The following TOPAZ1 variants were observed in gnomAD, a reference collection of about 807,000 sequenced individuals.
TOPAZ1 encodes the protein testis and ovary specific TOPAZ 1.
TOPAZ1 carries 66 observed loss-of-function variants against 172.2 expected under a neutral mutation model. The ratio of observed to expected loss-of-function variants is 0.38; its 90% CI spans 0.31 to 0.47. TOPAZ1 has a LOEUF of 0.47. TOPAZ1 is among the 20% of genes least tolerant of loss of function. TOPAZ1 has a pLI of 0.99. For synonymous variants in TOPAZ1, 681 were observed against 683.9 expected, an observed-to-expected ratio of 1.00 and a Z score of 0.07; for missense variants, 1,822 against 1,972.4, an observed-to-expected ratio of 0.92 and a Z score of 1.44.
intron 16 of TOPAZ1, among the ~76,000 whole-genome samples, chr3:44,316,745 G>T (rs1400798419): frequency 3.9e-5 from 6 of 151,948 alleles, no homozygotes; most frequent in Admixed American, 3.9e-4. Context: ...TTCATTTGTT[G>T]TTAGTTTTAA....
chr3:44,313,321 G>T (rs1700415218), intron 16 of TOPAZ1, among the ~76,000 whole-genome samples: 1 of 151,958 alleles, frequency 6.6e-6, no homozygotes, highest in Non-Finnish European at 1.5e-5. Flanking sequence ...TTATTAGAAA[G>T]CTCCCCCGGG....
In TOPAZ1 at chr3:44,245,251, A is replaced by C; in HGVS notation, c.2745A>C (p.Lys915Asn). 1 of 1,540,062 alleles carries C rather than the reference A, an allele frequency of 6.5e-7. No homozygotes were observed. The highest frequency in any genetic ancestry group is 8.7e-7 in the Non-Finnish European group (1 of 1,143,314). Residue 915 changes from lysine to asparagine, a missense_variant, in exon 2 of 20, where the codon AAA (lysine) becomes AAC (asparagine). Lys to Asn is a moderately conservative substitution (Grantham distance 94). Around this residue, in one of 2 missense-constraint regions of TOPAZ1, gnomAD observed 1,489 missense variants for 1,490.8 expected, o/e 1.00. Coordinates refer to ENST00000309765, the MANE Select transcript of TOPAZ1 (RefSeq NM_001145030.2). ...AGTACATGGAAACTCCAGTAAAAAA[A>C]GAACCAAGTGATGACTTAAGGTATG... ...DSKYMETPVK[K>N]EPSDDLRELP...
At chr3:44,292,749 G>A in intron 12 of TOPAZ1, among the ~76,000 whole-genome samples, 1 of 152,056 alleles carries the variant, frequency 6.6e-6, no homozygotes, top group East Asian at 1.9e-4. Flanking sequence ...AGGGTAACTG[G>A]GATATTCATC....
At chr3:44,269,378 C>G (rs890533298) in intron 7 of TOPAZ1, 77 bp downstream of exon 7, 3 of 800,258 alleles carry the variant, frequency 3.7e-6, no homozygotes, top group Middle Eastern at 2.8e-4. Flanking sequence ...CCTCCTCTTC[C>G]TCACTTTCCT....
rs116190244 is a variant in TOPAZ1 at position 44,295,206 on chromosome 3, A to G, written c.3797+4320A>G. ...TTGACTCAGCAATCCCAATTCTACA[A>G]ATGTACCCTGAAAACACACCTCTAT... On this transcript the variant is annotated intron_variant, in intron 12 of 19. Coordinates refer to ENST00000309765, the MANE Select transcript of TOPAZ1 (RefSeq NM_001145030.2). 8.9e-3 allele frequency among the ~76,000 whole-genome samples: 1,354 copies of G among 152,284 alleles called. 19 individuals carry two copies. Among genetic ancestry groups the G allele is most frequent in the African/African-American group, 0.031 (1,307 of 41,564 alleles).
intron 5 of TOPAZ1, among the ~76,000 whole-genome samples, chr3:44,266,216 G>A (rs966365724): frequency 1.3e-5 from 2 of 152,186 alleles, no homozygotes; most frequent in African/African-American, 4.8e-5. Context: ...ATTAGGCTTT[G>A]GCTTAAGGGA....
In TOPAZ1 at chr3:44,257,508, G is replaced by A. The variant is rs933383053; in HGVS notation, c.2955+1230G>A. 1.3e-4 allele frequency among the ~76,000 whole-genome samples: 16 copies of A among 122,408 alleles called. No homozygotes were observed. The South Asian group carries it at 4.5e-3, about 35-fold the overall frequency. 80.3% of individuals were successfully genotyped at this position (122,408 alleles called of 152,430 possible). The stretch of plus-strand genomic sequence containing the variant: ...TGTGTGTGTGTGTGTGTGTGTGTGT[G>A]TGAATGATTCTTTTCCAGAGGCCTT... On this transcript the variant is annotated intron_variant, in intron 4 of 19. Coordinates refer to ENST00000309765, the MANE Select transcript of TOPAZ1 (RefSeq NM_001145030.2).
intron 16 of TOPAZ1, among the ~76,000 whole-genome samples, chr3:44,314,394 A>C (rs781151118): frequency 6.6e-6 from 1 of 152,134 alleles, no homozygotes. Context: ...TGCTAAGTGT[A>C]TTATTTGTGT....
intron 4 of TOPAZ1, among the ~76,000 whole-genome samples, chr3:44,259,522 G>A (rs1475222339): frequency 6.6e-6 from 1 of 152,064 alleles, no homozygotes; most frequent in African/African-American, 2.4e-5. Flanking sequence ...AATCTAACAA[G>A]TCCCACTATT....
At chr3:44,250,318 T>C (rs1699616358) in intron 2 of TOPAZ1, among the ~76,000 whole-genome samples, 1 of 151,768 alleles carries the variant, frequency 6.6e-6, no homozygotes. Flanking sequence ...TTGAGATTCA[T>C]TGTCTTTTAA....
intron 18 of TOPAZ1, among the ~76,000 whole-genome samples, chr3:44,326,349 G>C (rs1266266997): frequency 6.6e-6 from 1 of 152,142 alleles, no homozygotes; most frequent in African/African-American, 2.4e-5. Context: ...TTTCCTCCTA[G>C]TGGGTGTTAA....
At chr3:44,303,479 C>CTTTTTTT (rs34565826) in intron 12 of TOPAZ1, among the ~76,000 whole-genome samples, 17 of 109,942 alleles carry the variant, frequency 1.5e-4, no homozygotes, top group Non-Finnish European at 2.2e-4. Context: ...TGCTTGCTTG[C>CTTTTTTT]TTTTTTTTTT....
chr3:44,310,022 T>C, intron 16 of TOPAZ1, 32 bp downstream of exon 16: 1 of 1,511,512 alleles, frequency 6.6e-7, no homozygotes, highest in East Asian at 2.5e-5. Flanking sequence ...CATAAAATAA[T>C]TCGTTATACT....
In TOPAZ1 at chr3:44,242,173, C is replaced by T. The variant is rs540779054; in HGVS notation, c.120C>T (p.Ala40=). The change falls in exon 1 of 20, where the codon GCC becomes GCT. Residue 40 remains alanine (A), a synonymous_variant. Transcript: ENST00000309765. ...PGAAGGCGPE[A]GGCRENKQKR... ...CGGCGGGAGGCTGTGGCCCTGAGGC[C>T]GGGGGGTGCCGGGAAAATAAGCAAA... The T allele has an allele frequency of 2.9e-4, 441 of 1,540,786 alleles. 1 individual carries two copies. The highest frequency in any genetic ancestry group is 1.0e-3 in the East Asian group (41 of 40,358).
At chr3:44,242,432 C>T (rs1022748184) in intron 1 of TOPAZ1, 33 bp downstream of exon 1, 2 of 1,544,706 alleles carry the variant, frequency 1.3e-6, no homozygotes, top group Admixed American at 2.0e-5. Context: ...TTACCTTTAG[C>T]CCTTGTACCT....
intron 14 of TOPAZ1, 77 bp downstream of exon 14, chr3:44,305,398 C>G: frequency 7.8e-7 from 1 of 1,275,806 alleles, no homozygotes. Context: ...GAGACAGGGT[C>G]TTCCTTTGTT....
chr3:44,313,245 T>C (rs539319917), intron 16 of TOPAZ1, among the ~76,000 whole-genome samples: 1 of 152,316 alleles, frequency 6.6e-6, no homozygotes, highest in South Asian at 2.1e-4. Context: ...GGTAAAGGCA[T>C]TTTAAAGCTT....
Position 44,299,380 on chromosome 3 carries a change from T to C in TOPAZ1, c.3798-4635T>C, listed in dbSNP as rs535890444. ...TCACCATCACTGGCTTTCAGAGAAATGCAAATCAAAACCACAATGAGATAC... is the reference window on the plus strand; with the variant it reads ...TCACCATCACTGGCTTTCAGAGAAACGCAAATCAAAACCACAATGAGATAC... On this transcript the variant is annotated intron_variant, in intron 12 of 19. Transcript: ENST00000309765. 2.7e-4 allele frequency among the ~76,000 whole-genome samples: 41 copies of C among 151,978 alleles called. No homozygotes were observed. The South Asian group carries it at 4.6e-3, about 17-fold the overall frequency.
In TOPAZ1 at chr3:44,245,017, G is replaced by A. The variant is rs956955843; in HGVS notation, c.2511G>A (p.Arg837=). The part of the protein sequence containing the change: ...ETFRPVSSEV[R]GRKITKNFSE... ...TCCGACCAGTGTCCAGTGAAGTTAGGGGTAGAAAAATAACTAAGAATTTTT... is the reference window on the plus strand; with the variant it reads ...TCCGACCAGTGTCCAGTGAAGTTAGAGGTAGAAAAATAACTAAGAATTTTT... The change falls in exon 2 of 20, where the codon AGG becomes AGA. Residue 837 remains arginine (R), a synonymous_variant. Transcript: ENST00000309765. 3.2e-6 allele frequency: 5 copies of A among 1,551,538 alleles called. No homozygotes were observed. In the African/African-American group the frequency reaches 5.5e-5, roughly 17 times the overall value.
Sources: allele counts gnomAD v4.1 joint callset (sites outside exome capture counted in the v4.1 genomes callset), GRCh38; gene constraint gnomAD v4.1.1; regional missense constraint gnomAD v4.1.1; transcripts MANE v1.5; gene names NCBI Gene and HGNC (gene_info 2026-07-23, HGNC 2026-07-21).